Variants in CNTNAP2 observed in about 807,000 individuals in gnomAD.
CNTNAP2 encodes the protein contactin-associated protein-like 2.
Under a neutral mutation model 155.2 loss-of-function variants are expected in CNTNAP2, and 98 were observed. The ratio of observed to expected loss-of-function variants is 0.63; its 90% CI spans 0.54 to 0.75. The LOEUF is 0.75. Among genes scored for constraint, CNTNAP2 ranks in the 30% least tolerant of loss-of-function variants. The probability of loss-of-function intolerance (pLI) is 0.00; values close to 1 mark genes in which losing one functional copy is unlikely to be tolerated. For missense variants in CNTNAP2, 1,727 were observed against 1,688.1 expected (o/e 1.02, Z -0.40); for synonymous variants, 651 against 631.2 (o/e 1.03, Z -0.47).
intron 9 of CNTNAP2, among the ~76,000 whole-genome samples, chr7:147,331,216 G>A (rs919486783): frequency 6.6e-6 from 1 of 152,104 alleles, no homozygotes; most frequent in Non-Finnish European, 1.5e-5. Flanking sequence ...GAGGTACAAT[G>A]TTCCCTGGTA....
At chr7:147,461,254 G>C (rs1236789016) in intron 10 of CNTNAP2, among the ~76,000 whole-genome samples, 1 of 152,128 alleles carries the variant, frequency 6.6e-6, no homozygotes, top group Non-Finnish European at 1.5e-5. Flanking sequence ...AATTAGGTTT[G>C]GAAATGCATC....
At chr7:147,517,036 T>G (rs570586350) in intron 11 of CNTNAP2, among the ~76,000 whole-genome samples, 14 of 151,692 alleles carry the variant, frequency 9.2e-5, no homozygotes, top group African/African-American at 3.4e-4. Flanking sequence ...TAATTTTTTT[T>G]TTTTTGTATT....
chr7:147,384,657 T>C (rs1055922168), intron 9 of CNTNAP2, among the ~76,000 whole-genome samples: 16 of 152,120 alleles, frequency 1.1e-4, no homozygotes, highest in African/African-American at 3.6e-4. Flanking sequence ...TCCATAGAGG[T>C]TGAATGCATA....
chr7:147,207,676 A>T (rs1159888736), intron 8 of CNTNAP2, among the ~76,000 whole-genome samples: 4 of 152,124 alleles, frequency 2.6e-5, no homozygotes, highest in African/African-American at 9.6e-5. Flanking sequence ...TTTTAGCTTA[A>T]TGTAACATTA....
At chr7:147,801,129 A>T (rs1797975588) in intron 13 of CNTNAP2, among the ~76,000 whole-genome samples, 1 of 151,872 alleles carries the variant, frequency 6.6e-6, no homozygotes. Context: ...GTTTATTATC[A>T]CCTCAAAGAA....
chr7:148,000,668 T>C (rs1199683779), intron 15 of CNTNAP2, among the ~76,000 whole-genome samples: 2 of 152,164 alleles, frequency 1.3e-5, no homozygotes, highest in African/African-American at 2.4e-5. Context: ...AGTTCTTTTG[T>C]ATAACAAGAG....
intron 1 of CNTNAP2, among the ~76,000 whole-genome samples, chr7:146,368,516 A>G (rs1326122525): frequency 6.6e-6 from 1 of 152,152 alleles, no homozygotes; most frequent in African/African-American, 2.4e-5. Context: ...TGATCAAATC[A>G]TACAAAATCA....
At chr7:147,601,451 A>C (rs903256725) in intron 12 of CNTNAP2, among the ~76,000 whole-genome samples, 1 of 151,948 alleles carries the variant, frequency 6.6e-6, no homozygotes, top group African/African-American at 2.4e-5. Context: ...TAGGAGAAGG[A>C]ATTTCACAAG....
intron 13 of CNTNAP2, among the ~76,000 whole-genome samples, chr7:147,858,705 C>G (rs148224901): frequency 2.6e-4 from 40 of 152,168 alleles, no homozygotes; most frequent in Middle Eastern, 3.4e-3. Context: ...CATAGCCACA[C>G]AGGGAGGGCG....
At chr7:148,120,241 G>A (rs1303478699) in intron 16 of CNTNAP2, among the ~76,000 whole-genome samples, 2 of 148,384 alleles carry the variant, frequency 1.3e-5, no homozygotes, top group African/African-American at 2.5e-5. Context: ...AGCCCTCGGG[G>A]TCAAAGAATT....
At chr7:148,153,083 T>C (rs1045778996) in intron 17 of CNTNAP2, among the ~76,000 whole-genome samples, 10 of 150,388 alleles carry the variant, frequency 6.6e-5, no homozygotes, top group Admixed American at 6.6e-4. Flanking sequence ...CATGGTTAGT[T>C]TAGCCTGACC....
intron 11 of CNTNAP2, among the ~76,000 whole-genome samples, chr7:147,533,723 A>G (rs1195306354): frequency 2.0e-5 from 3 of 151,782 alleles, no homozygotes; most frequent in East Asian, 3.9e-4. Context: ...AAAAAAAAAA[A>G]GCACCTTACT....
At chr7:148,038,495 C>A (rs1298647167) in intron 15 of CNTNAP2, among the ~76,000 whole-genome samples, 1 of 152,178 alleles carries the variant, frequency 6.6e-6, no homozygotes, top group African/African-American at 2.4e-5. Flanking sequence ...GCATCTAATT[C>A]TATTTTTATG....
At chr7:146,559,474 A>G (rs993554996) in intron 1 of CNTNAP2, among the ~76,000 whole-genome samples, 6 of 151,940 alleles carry the variant, frequency 3.9e-5, no homozygotes, top group African/African-American at 1.4e-4. Flanking sequence ...AGGCTGAGGC[A>G]GGAGAATCAC....
intron 1 of CNTNAP2, among the ~76,000 whole-genome samples, chr7:146,129,050 T>C (rs1421645429): frequency 1.3e-5 from 2 of 152,216 alleles, no homozygotes; most frequent in Non-Finnish European, 1.5e-5. Flanking sequence ...TTTAATTTAT[T>C]ATCTACTCTT....
At chr7:146,192,675 G>A (rs1327747748) in intron 1 of CNTNAP2, among the ~76,000 whole-genome samples, 1 of 152,160 alleles carries the variant, frequency 6.6e-6, no homozygotes, top group Non-Finnish European at 1.5e-5. Context: ...TACAATTCAA[G>A]GTGGGTGGGG....
At chr7:147,791,801 T>C (rs763721990) in intron 13 of CNTNAP2, among the ~76,000 whole-genome samples, 4 of 151,612 alleles carry the variant, frequency 2.6e-5, no homozygotes, top group Admixed American at 2.6e-4. Flanking sequence ...AAGAGGTAAC[T>C]TCAGGAACAT....
At chr7:147,700,841 T>C (rs1294458456) in intron 13 of CNTNAP2, among the ~76,000 whole-genome samples, 2 of 152,214 alleles carry the variant, frequency 1.3e-5, no homozygotes, top group African/African-American at 2.4e-5. Context: ...TGTTTACTTA[T>C]AACTATTACT....
At chr7:148,270,197 T>G (rs938554131) in intron 21 of CNTNAP2, among the ~76,000 whole-genome samples, 11 of 152,186 alleles carry the variant, frequency 7.2e-5, no homozygotes, top group African/African-American at 2.7e-4. Flanking sequence ...AAGGCCACAT[T>G]TTCTACAACT....
Sources: gnomAD v4.1 joint callset for allele counts (sites outside exome capture counted in the v4.1 genomes callset) on GRCh38, gnomAD v4.1.1 for gene constraint, MANE v1.5 for transcripts, NCBI Gene and HGNC (gene_info 2026-07-23, HGNC 2026-07-21) for gene names.